ATXN7: variants seen among roughly 807,000 people sequenced by gnomAD.
The protein encoded by ATXN7 is ataxin-7.
Under a neutral mutation model 70.5 loss-of-function variants are expected in ATXN7, and 12 were observed. That is an observed-to-expected ratio of 0.17 (90% CI 0.11 to 0.28). The LOEUF (loss-of-function observed/expected upper bound fraction) is 0.28, where lower values mean the gene tolerates loss of function less well. ATXN7 is among the 10% of genes least tolerant of loss of function. The pLI, the probability that ATXN7 is intolerant of heterozygous loss-of-function variation, is 1.00. For missense variants in ATXN7, 1,256 were observed against 1,131.7 expected (o/e 1.11, Z -1.58); for synonymous variants, 498 against 448.7 (o/e 1.11, Z -1.39).
At position 63,996,210 on chromosome 3, in the gene ATXN7, C is replaced by T. The variant is rs1466838960; in HGVS notation, c.2388C>T (p.Asn796=). ...ESIKRMSVMV[N]SSDSTLSLGP... is the part of the protein sequence containing the mutation. ...TCAAGAGGATGAGTGTGATGGTGAA[C>T]AGCAGTGATTCTACTCTTTCTCTTG... The change falls in exon 12 of 13, where the codon AAC becomes AAT. Residue 796 remains asparagine (N), a synonymous_variant. Transcript: ENST00000674280. The T allele has an allele frequency of 6.2e-7, 1 of 1,614,166 alleles. No homozygotes were observed. The highest frequency in any genetic ancestry group is 1.1e-5 in the South Asian group (1 of 91,088).
chr3:63,971,855 A>G (rs902491054), intron 5 of ATXN7, among the ~76,000 whole-genome samples: 1 of 152,242 alleles, frequency 6.6e-6, no homozygotes, highest in Non-Finnish European at 1.5e-5. Context: ...TTAGTTGTGA[A>G]TAACAAAAGT....
intron 5 of ATXN7, among the ~76,000 whole-genome samples, chr3:63,978,193 C>G (rs956431430): frequency 2.6e-5 from 4 of 152,212 alleles, no homozygotes; most frequent in Non-Finnish European, 2.9e-5. Flanking sequence ...TTAACTCAGT[C>G]TCTGAGGGAG....
At chr3:63,967,610 G>T in intron 5 of ATXN7, 1 of 325,410 alleles carries the variant, frequency 3.1e-6, no homozygotes, top group Non-Finnish European at 5.2e-6. Context: ...TAAGTAATTT[G>T]CATTTTAGCA....
intron 1 of ATXN7, among the ~76,000 whole-genome samples, chr3:63,874,143 T>G (rs1702677750): frequency 6.6e-6 from 1 of 152,198 alleles, no homozygotes; most frequent in Non-Finnish European, 1.5e-5. Flanking sequence ...AAATATGCAT[T>G]TTCCTCATTT....
intron 1 of ATXN7, among the ~76,000 whole-genome samples, chr3:63,865,636 A>G (rs1380074846): frequency 6.6e-6 from 1 of 152,162 alleles, no homozygotes; most frequent in Admixed American, 6.5e-5. Context: ...TCACGCCTGT[A>G]ATCCCAGCAC....
At chr3:63,883,488 C>T (rs1293084659) in intron 1 of ATXN7, among the ~76,000 whole-genome samples, 1 of 151,864 alleles carries the variant, frequency 6.6e-6, no homozygotes, top group Non-Finnish European at 1.5e-5. Context: ...CCCTGCTGCT[C>T]AAGAAGCTCC....
chr3:63,887,756 T>C (rs941056450), intron 1 of ATXN7, among the ~76,000 whole-genome samples: 3 of 152,036 alleles, frequency 2.0e-5, no homozygotes, highest in Non-Finnish European at 4.4e-5. Flanking sequence ...CAGCTAATTT[T>C]TGTATTTTTT....
Position 64,000,775 on chromosome 3 carries a change from C to G in ATXN7, c.*1308C>G, listed in dbSNP as rs1430660508. 1 of 151,656 alleles carries G rather than the reference C, an allele frequency of 6.6e-6. No individual in the cohort carries two copies. Among genetic ancestry groups the G allele is most frequent in the Non-Finnish European group, 1.5e-5 (1 of 67,964 alleles). 9.4% of individuals were successfully genotyped at this position (151,656 alleles called of 1,614,324 possible). A position where few individuals can be genotyped will look rare whatever the true frequency, so the allele number is the denominator to read the frequency against. On this transcript the variant is annotated 3_prime_UTR_variant, in exon 13 of 13. Transcript: ENST00000674280. ...AGCCATCTTCCTGAGAGTTTTGGAG[C>G]CCTCTAGGATATTTTTTCTAGTACC... is the stretch of plus-strand genomic sequence containing the variant.
intron 1 of ATXN7, among the ~76,000 whole-genome samples, chr3:63,895,322 A>G (rs1703408477): frequency 6.6e-6 from 1 of 152,160 alleles, no homozygotes; most frequent in South Asian, 2.1e-4. Flanking sequence ...AAAATAAGCC[A>G]TTTTCCCTGT....
Position 63,880,922 on chromosome 3 carries a change from C to T in ATXN7, c.-111+16764C>T, listed in dbSNP as rs139440764. Among the ~76,000 whole-genome samples, 441 of 152,256 alleles carry T rather than the reference C, an allele frequency of 2.9e-3. 1 individual carries two copies. Among genetic ancestry groups the T allele is most frequent in the African/African-American group, 0.01 (418 of 41,552 alleles). ...GCTGTCTCCTCAGTGCTGAGCATGG[C>T]GCTCAATAGATACTTGCAAAAAAGG... On this transcript the variant is annotated intron_variant, in intron 1 of 12. Transcript: ENST00000674280.
At chr3:63,981,823 C>T (rs749388270) in intron 6 of ATXN7, among the ~76,000 whole-genome samples, 3 of 152,212 alleles carry the variant, frequency 2.0e-5, no homozygotes, top group Admixed American at 6.5e-5. Flanking sequence ...AAAAGATATT[C>T]TCCAAGGGTT....
At position 64,001,483 on chromosome 3, in the gene ATXN7, A is replaced by T. The variant is rs1242023662; in HGVS notation, c.*2016A>T. Reference sequence around the variant, plus strand: ...TGGGTAGAATTTATTTTCAGAGCCAAGAGGACTTGATGGTTATAAATAAAG... The same window carrying T: ...TGGGTAGAATTTATTTTCAGAGCCATGAGGACTTGATGGTTATAAATAAAG... On this transcript the variant is annotated 3_prime_UTR_variant, in exon 13 of 13. Coordinates refer to ENST00000674280, the MANE Select transcript of ATXN7 (RefSeq NM_001377405.1). 1.3e-5 allele frequency: 2 copies of T among 152,232 alleles called. No individual in the cohort carries two copies. The highest frequency in any genetic ancestry group is 4.8e-5 in the African/African-American group (2 of 41,466). The allele number at this position is 152,232 out of a possible 1,614,324, so 9.4% of individuals were successfully genotyped here.
At position 63,982,116 on chromosome 3, in the gene ATXN7, C is replaced by T. The variant is rs1025129244; in HGVS notation, c.753-70C>T. The T allele has an allele frequency of 1.1e-5, 18 of 1,601,592 alleles. No individual in the cohort carries two copies. In the Admixed American group the frequency reaches 2.7e-4, roughly 24 times the overall value. Reference sequence around the variant, plus strand: ...AGGCCCAGGCTCTATCCTCATCCCTCTGGCTCACCATTCACCTGGGGGCTG... The same window carrying T: ...AGGCCCAGGCTCTATCCTCATCCCTTTGGCTCACCATTCACCTGGGGGCTG... On this transcript the variant is annotated intron_variant, in intron 6 of 12. Transcript: ENST00000674280.
chr3:63,959,072 TATA>T (rs1470785605), intron 5 of ATXN7, among the ~76,000 whole-genome samples: 2 of 152,238 alleles, frequency 1.3e-5, no homozygotes, highest in Non-Finnish European at 2.9e-5. Flanking sequence ...AATTCAAAGA[TATA>T]ATGATGGTAG....
At chr3:63,927,411 A>G (rs976356431) in intron 4 of ATXN7, among the ~76,000 whole-genome samples, 9 of 152,190 alleles carry the variant, frequency 5.9e-5, no homozygotes, top group Non-Finnish European at 1.2e-4. Context: ...GTCTTGGCTA[A>G]TTTGCACAAT....
rs780626224 is a variant in ATXN7, at chr3:63,995,844, G to T, written c.2022G>T (p.Leu674Phe). 7 of 1,614,076 alleles carry T rather than the reference G, an allele frequency of 4.3e-6. No individual in the cohort carries two copies. The South Asian group carries it at 6.6e-5, about 15-fold the overall frequency. ...SSPMSRKPQK[L>F]KSSKSLRPKE... Reference sequence around the variant, plus strand: ...CCATGTCCAGGAAACCTCAGAAATTGAAATCCAGCAAATCTTTGAGGCCCA... The same window carrying T: ...CCATGTCCAGGAAACCTCAGAAATTTAAATCCAGCAAATCTTTGAGGCCCA... Residue 674 changes from leucine (L) to phenylalanine (F), a missense_variant, in exon 12 of 13, where the codon TTG becomes TTT. Leu to Phe is a conservative substitution (Grantham distance 22). Transcript: ENST00000674280.
chr3:63,936,344 T>A (rs1237531791), intron 4 of ATXN7, among the ~76,000 whole-genome samples: 1 of 152,222 alleles, frequency 6.6e-6, no homozygotes, highest in Non-Finnish European at 1.5e-5. Flanking sequence ...TGACACAGCT[T>A]ACTGTGTAGG....
chr3:63,984,826 G>T (rs145694731), intron 8 of ATXN7, among the ~76,000 whole-genome samples: 58 of 152,290 alleles, frequency 3.8e-4, no homozygotes, highest in Admixed American at 1.1e-3. Flanking sequence ...CACTCTAGTT[G>T]TTGATTCTGT....
intron 1 of ATXN7, chr3:63,878,573 C>T (rs1195840349): frequency 6.6e-6 from 1 of 152,228 alleles, no homozygotes; most frequent in African/African-American, 2.4e-5. Context: ...TTTCTTAGAT[C>T]TGGCAGGAAA....
Sources: allele counts gnomAD v4.1 joint callset (sites outside exome capture counted in the v4.1 genomes callset), GRCh38; gene constraint gnomAD v4.1.1; transcripts MANE v1.5; gene names NCBI Gene and HGNC (gene_info 2026-07-23, HGNC 2026-07-21).